The following AGBL2 variants were observed in gnomAD, a reference collection of about 807,000 sequenced individuals.
AGBL2 encodes the protein cytosolic carboxypeptidase 2.
In AGBL2, 87 loss-of-function variants were observed where a neutral mutation model predicts 103.0. That is an observed-to-expected ratio of 0.84 (90% CI 0.71 to 1.01). The LOEUF (loss-of-function observed/expected upper bound fraction) is 1.01. Ranked by LOEUF, AGBL2 falls within the 50% of genes least tolerant of loss-of-function variation. AGBL2 has a pLI of 0.00. For synonymous variants in AGBL2, 335 were observed against 356.7 expected (o/e 0.94, Z 0.69); for missense variants, 904 against 1,023.5 (o/e 0.88, Z 1.59).
chr11:47,690,334 C>T lies in AGBL2; in HGVS notation c.1373G>A (p.Ser458Asn), dbSNP rs1396762341. The change falls in exon 10 of 19, where the codon AGT becomes AAT. Residue 458 changes from serine to asparagine, a missense_variant. By Grantham distance (46) the Ser-to-Asn change is conservative (BLOSUM62 1). Transcript: ENST00000525123. ...EAAAKKAVVL[S>N]ARVHPGESNG... ...ACTTTCTCCAGGGTGAACTCTGGCACTCAAGACCACAGCTTTCTTTGCAGC... is the reference window on the plus strand; with the variant it reads ...ACTTTCTCCAGGGTGAACTCTGGCATTCAAGACCACAGCTTTCTTTGCAGC... 1 of 1,613,942 alleles carries T rather than the reference C, an allele frequency of 6.2e-7. No homozygotes were observed. The highest frequency in any genetic ancestry group is 8.5e-7 in the Non-Finnish European group (1 of 1,179,914).
rs939800118 is a variant in AGBL2, at chr11:47,690,262, T to C, written c.1445A>G (p.Asn482Ser). Residue 482 changes from asparagine to serine, a missense_variant, in exon 10 of 19, where the codon AAC (asparagine) becomes AGC (serine). Transcript: ENST00000525123. ...MKGFLDFILS[N>S]SPDAQLLRDI... ...TCTGAGGAGCTGGGCATCTGGGGAG[T>C]TGCTAAGGATGAAGTCCAAAAAGCC... 1.2e-6 allele frequency: 2 copies of C among 1,613,646 alleles called. No homozygotes were observed. Among genetic ancestry groups the C allele is most frequent in the Middle Eastern group, 1.7e-4 (1 of 6,060 alleles).
chr11:47,695,501 G>C (rs570006490), intron 8 of AGBL2, among the ~76,000 whole-genome samples: 65 of 123,680 alleles, frequency 5.3e-4, no homozygotes, highest in African/African-American at 2.0e-3. Context: ...AAAAACAGTT[G>C]AGGGGAATGG....
At position 47,689,050 on chromosome 11, in the gene AGBL2, T is replaced by C. The variant is rs2097434820; in HGVS notation, c.1631+1026A>G. On this transcript the variant is annotated intron_variant, in intron 10 of 18. Transcript: ENST00000525123. ...TGAGCCCAGCCCACATATTCTTATA[T>C]GCTGTATTTTCATTTCCAATGGCAT... Among the ~76,000 whole-genome samples, 5 of 152,202 alleles carry C rather than the reference T, an allele frequency of 3.3e-5. No homozygotes were observed. The South Asian group carries it at 1.0e-3, about 32-fold the overall frequency.
At chr11:47,678,621 A>G (rs1434822387) in intron 13 of AGBL2, among the ~76,000 whole-genome samples, 3 of 151,650 alleles carry the variant, frequency 2.0e-5, no homozygotes, top group African/African-American at 7.3e-5. Flanking sequence ...GGTGTGAGCC[A>G]CTGCACCCGG....
At chr11:47,702,720 A>C (rs1256221251) in intron 7 of AGBL2, among the ~76,000 whole-genome samples, 1 of 152,036 alleles carries the variant, frequency 6.6e-6, no homozygotes, top group Non-Finnish European at 1.5e-5. Context: ...CTAAAAATAC[A>C]AAAATTAGCT....
At chr11:47,700,558 G>A (rs2097494335) in intron 7 of AGBL2, among the ~76,000 whole-genome samples, 1 of 151,646 alleles carries the variant, frequency 6.6e-6, no homozygotes, top group African/African-American at 2.4e-5. Flanking sequence ...CAGCCTGGGC[G>A]AACAGAGCAA....
At position 47,663,035 on chromosome 11, in the gene AGBL2, C is replaced by T. The variant is rs533253661; in HGVS notation, c.2526G>A (p.Gly842=). 4.6e-5 allele frequency: 74 copies of T among 1,609,382 alleles called. No individual in the cohort carries two copies. The South Asian group carries it at 7.6e-4, about 17-fold the overall frequency. Residue 842 remains glycine (G), a synonymous_variant, in exon 18 of 19, where the codon GGG becomes GGA. Transcript: ENST00000525123. ...ATATTAGGTGAAGTACCTGCATTCT[C>T]CCTTTATTCTTAGGCAGAATCAGGG... ...MATLILPKNK[G]RMQNKKPGFT...
Position 47,660,449 on chromosome 11 carries a change from T to C in AGBL2, c.2536-103A>G, listed in dbSNP as rs888039506. The C allele has an allele frequency of 8.9e-6, 9 of 1,009,240 alleles. No homozygotes were observed. The African/African-American group carries it at 1.5e-4, about 16-fold the overall frequency. 62.5% of individuals were successfully genotyped at this position (1,009,240 alleles called of 1,614,324 possible). A position where few individuals can be genotyped will look rare whatever the true frequency, so the allele number is the denominator to read the frequency against. On this transcript the variant is annotated intron_variant, in intron 18 of 18. Transcript: ENST00000525123. ...CTTTACAAGGAGCTGGTGAGAAATA[T>C]TTGCATTTCTTCCCCAAATATAAAA... is the stretch of plus-strand genomic sequence containing the variant.
chr11:47,706,017 G>A (rs1752467179), intron 4 of AGBL2, 100 bp from the exon 5 acceptor site: 1 of 908,006 alleles, frequency 1.1e-6, no homozygotes, highest in African/African-American at 1.6e-5. Context: ...TGCTCACTCT[G>A]GACCCCTGCA....
Position 47,676,460 on chromosome 11 carries a change from C to G in AGBL2, c.2147+811G>C, listed in dbSNP as rs576265133. ...TTGCAAGAGCCTCCTATTGAGTCTC[C>G]CTGCTTAGAACTTCCCTCTTTATGA... On this transcript the variant is annotated intron_variant, in intron 14 of 18. Coordinates refer to ENST00000525123, the MANE Select transcript of AGBL2 (RefSeq NM_024783.4). Among the ~76,000 whole-genome samples the G allele has an allele frequency of 3.3e-5, 5 of 152,230 alleles. 1 individual carries two copies. In the South Asian group the frequency reaches 1.0e-3, roughly 32 times the overall value.
chr11:47,710,922 AAAG>A (rs1283157797), intron 3 of AGBL2: 5 of 417,238 alleles, frequency 1.2e-5, no homozygotes, highest in Non-Finnish European at 2.3e-5. Context: ...AAAAAAAAAA[AAAG>A]AAAAAAAAAA....
intron 4 of AGBL2, among the ~76,000 whole-genome samples, chr11:47,707,802 C>T (rs1382778247): frequency 1.3e-5 from 2 of 152,142 alleles, no homozygotes; most frequent in Admixed American, 1.3e-4. Context: ...TGGTAACTTG[C>T]TATTTTGATT....
intron 17 of AGBL2, among the ~76,000 whole-genome samples, chr11:47,665,126 C>T (rs1375024844): frequency 6.6e-6 from 1 of 151,704 alleles, no homozygotes; most frequent in Non-Finnish European, 1.5e-5. Context: ...CAGCTCACTG[C>T]AACCTCTGCC....
chr11:47,678,748 C>A (rs2097388602), intron 13 of AGBL2, among the ~76,000 whole-genome samples: 1 of 151,596 alleles, frequency 6.6e-6, no homozygotes, highest in Non-Finnish European at 1.5e-5. Context: ...CAGAGCAGGG[C>A]TAACTTTGGA....
At chr11:47,675,199 CTTTTT>C (rs34012734) in intron 14 of AGBL2, among the ~76,000 whole-genome samples, 153 of 58,202 alleles carry the variant, frequency 2.6e-3, no homozygotes, top group Middle Eastern at 0.015. Flanking sequence ...TCCCACCAGT[CTTTTT>C]TTTTTTTTTT....
intron 12 of AGBL2, 127 bp downstream of exon 12, chr11:47,681,842 A>C: frequency 8.5e-7 from 1 of 1,180,314 alleles, no homozygotes; most frequent in Non-Finnish European, 1.2e-6. Flanking sequence ...CAAATTTAGC[A>C]TAAGTCTAGA....
rs1440515781 is a variant in AGBL2 at position 47,678,343 on chromosome 11, A to ATTTTTTTTTTTTTTTTTTTT, written c.2017-943_2017-942insAAAAAAAAAAAAAAAAAAAA. Among the ~76,000 whole-genome samples, 41 of 116,858 alleles carry ATTTTTTTTTTTTTTTTTTTT rather than the reference A, an allele frequency of 3.5e-4. 2 individuals are homozygous for ATTTTTTTTTTTTTTTTTTTT. The highest frequency in any genetic ancestry group is 1.8e-3 in the South Asian group (5 of 2,782). 76.7% of individuals were successfully genotyped at this position (116,858 alleles called of 152,430 possible). ...TTATTTTATTTTATTTTATTATTTT[A>ATTTTTTTTTTTTTTTTTTTT]TTTTTTTTGAGACGGAGTCTTGCTC... On this transcript the variant is annotated intron_variant, in intron 13 of 18. Coordinates refer to ENST00000525123, the MANE Select transcript of AGBL2 (RefSeq NM_024783.4).
chr11:47,682,182 C>A (rs924663116), intron 11 of AGBL2, 87 bp from the exon 12 acceptor site: 1 of 1,315,202 alleles, frequency 7.6e-7, no homozygotes, highest in African/African-American at 1.5e-5. Flanking sequence ...AGAATAATTT[C>A]CTTGGGGTCC....
intron 10 of AGBL2, among the ~76,000 whole-genome samples, chr11:47,687,446 T>G (rs2097428443): frequency 6.6e-6 from 1 of 152,034 alleles, no homozygotes; most frequent in Admixed American, 6.6e-5. Flanking sequence ...TATCAATTAT[T>G]CATTGAAACT....
Sources: gnomAD v4.1 joint callset for allele counts (sites outside exome capture counted in the v4.1 genomes callset) on GRCh38, gnomAD v4.1.1 for gene constraint, MANE v1.5 for transcripts, NCBI Gene and HGNC (gene_info 2026-07-23, HGNC 2026-07-21) for gene names.